STK32A: variants seen among roughly 807,000 people sequenced by gnomAD.
The protein encoded by STK32A is serine/threonine kinase 32A, also known as serine/threonine-protein kinase 32A.
Under a neutral mutation model 53.2 loss-of-function variants are expected in STK32A, and 41 were observed. The ratio of observed to expected loss-of-function variants is 0.77; its 90% confidence interval spans 0.60 to 1.00. The LOEUF is 1.00. Ranked by LOEUF, STK32A falls within the 50% of genes least tolerant of loss-of-function variation. STK32A has a pLI of 0.00. For missense variants in STK32A, 458 were observed against 485.8 expected (o/e 0.94, Z 0.54); for synonymous variants, 166 against 162.8 (o/e 1.02, Z -0.15).
intron 4 of STK32A, among the ~76,000 whole-genome samples, chr5:147,306,281 A>G (rs1206471787): frequency 2.0e-5 from 3 of 151,988 alleles, no homozygotes; most frequent in Admixed American, 6.6e-5. Context: ...TCTTTTAACC[A>G]TCTTTCTATC....
At chr5:147,394,594 C>CA in the STK32A span, among the ~76,000 whole-genome samples, 106 of 149,252 alleles carry the variant, frequency 7.1e-4, 1 homozygote, top group African/African-American at 2.5e-3. Flanking sequence ...GACAACAGCA[C>CA]AAAAAGAAAT....
chr5:147,339,162 C>T (rs185852483), intron 5 of STK32A, among the ~76,000 whole-genome samples: 32 of 152,308 alleles, frequency 2.1e-4, no homozygotes, highest in African/African-American at 7.5e-4. Context: ...GTTTCATGGG[C>T]TGGGCCCAGG....
intron 2 of STK32A, among the ~76,000 whole-genome samples, chr5:147,249,600 G>A (rs1753893534): frequency 6.6e-6 from 1 of 151,844 alleles, no homozygotes; most frequent in Non-Finnish European, 1.5e-5. Flanking sequence ...TTAAGTTGCT[G>A]GGATGAAAAA....
At chr5:147,264,161 C>A (rs1754705836) in intron 2 of STK32A, among the ~76,000 whole-genome samples, 1 of 152,282 alleles carries the variant, frequency 6.6e-6, no homozygotes, top group South Asian at 2.1e-4. Flanking sequence ...ATCTCCCATG[C>A]AATCCTTCTT....
intron 4 of STK32A, among the ~76,000 whole-genome samples, chr5:147,292,053 A>T (rs7725229): frequency 0.21 from 32,702 of 152,132 alleles, 3,962 homozygotes; most frequent in African/African-American, 0.3. Context: ...AAATTGGGTG[A>T]ATTTCTCCCT....
chr5:147,379,484 T>C (rs1757369735), intron 11 of STK32A, among the ~76,000 whole-genome samples: 2 of 152,106 alleles, frequency 1.3e-5, no homozygotes, highest in Admixed American at 1.3e-4. Context: ...AATTAGTGCA[T>C]GTAAAGTGCT....
At chr5:147,257,156 T>C (rs1444402080) in intron 2 of STK32A, among the ~76,000 whole-genome samples, 1 of 151,508 alleles carries the variant, frequency 6.6e-6, no homozygotes, top group Admixed American at 6.6e-5. Context: ...ATGGTTTTAG[T>C]AAATTACAAA....
intron 2 of STK32A, among the ~76,000 whole-genome samples, chr5:147,266,620 A>G (rs1301376325): frequency 6.6e-6 from 1 of 152,148 alleles, no homozygotes; most frequent in African/African-American, 2.4e-5. Context: ...GGTGATGTGG[A>G]TATAGCGAAG....
intron 4 of STK32A, among the ~76,000 whole-genome samples, chr5:147,280,634 A>G (rs937201654): frequency 6.0e-5 from 9 of 149,822 alleles, no homozygotes; most frequent in Non-Finnish European, 1.2e-4. Context: ...CAGCAGCAGC[A>G]AGGCCCACCC....
intron 1 of STK32A, among the ~76,000 whole-genome samples, chr5:147,238,456 C>T (rs1753418064): frequency 6.6e-6 from 1 of 152,170 alleles, no homozygotes; most frequent in African/African-American, 2.4e-5. Flanking sequence ...TTATCAGTGT[C>T]AGTTTTAGGA....
chr5:147,297,439 A>T (rs1054339892), intron 4 of STK32A, among the ~76,000 whole-genome samples: 2 of 152,188 alleles, frequency 1.3e-5, no homozygotes, highest in African/African-American at 4.8e-5. Context: ...TGGGAATCAA[A>T]CCTGGGCTGC....
chr5:147,370,414 A>G (rs961783683), intron 8 of STK32A, among the ~76,000 whole-genome samples: 5 of 152,140 alleles, frequency 3.3e-5, no homozygotes, highest in South Asian at 2.1e-4. Flanking sequence ...GGAGTGTTCA[A>G]CTTTAAAATT....
intron 2 of STK32A, among the ~76,000 whole-genome samples, chr5:147,253,163 CTTA>C (rs1394841012): frequency 6.6e-6 from 1 of 152,056 alleles, no homozygotes; most frequent in East Asian, 1.9e-4. Context: ...GTTGAGTTCT[CTTA>C]GATTGCAATT....
chr5:147,343,317 C>T (rs534541452), intron 6 of STK32A: 43 of 619,588 alleles, frequency 6.9e-5, no homozygotes, highest in Non-Finnish European at 1.0e-4. Context: ...AGAAAACCAT[C>T]ACAACTTTTC....
At chr5:147,300,907 A>C (rs1753097878) in intron 4 of STK32A, among the ~76,000 whole-genome samples, 1 of 152,232 alleles carries the variant, frequency 6.6e-6, no homozygotes, top group South Asian at 2.1e-4. Context: ...ATAAATGGTG[A>C]CTTTACACAA....
chr5:147,388,874 A>G (rs765263594), downstream of STK32A, among the ~76,000 whole-genome samples: 5 of 152,106 alleles, frequency 3.3e-5, no homozygotes, highest in Non-Finnish European at 5.9e-5. Flanking sequence ...TTAAGTGCTG[A>G]CTATTGCCTT....
At chr5:147,301,764 A>T (rs1048945654) in intron 4 of STK32A, among the ~76,000 whole-genome samples, 1 of 152,178 alleles carries the variant, frequency 6.6e-6, no homozygotes, top group African/African-American at 2.4e-5. Flanking sequence ...GGAAGTCAGA[A>T]GTCCAAAATC....
At chr5:147,331,586 A>T (rs910957565) in intron 5 of STK32A, among the ~76,000 whole-genome samples, 1 of 152,234 alleles carries the variant, frequency 6.6e-6, no homozygotes, top group African/African-American at 2.4e-5. Flanking sequence ...GTGCTCCCTC[A>T]GAAAGATTTG....
intron 2 of STK32A, among the ~76,000 whole-genome samples, chr5:147,272,480 T>C (rs1561684242): frequency 6.6e-6 from 1 of 152,218 alleles, no homozygotes; most frequent in Non-Finnish European, 1.5e-5. Context: ...AATAATGAGA[T>C]CTATATGTGA....
Sources: gnomAD v4.1 joint callset for allele counts (sites outside exome capture counted in the v4.1 genomes callset) on GRCh38, gnomAD v4.1.1 for gene constraint, MANE v1.5 for transcripts, NCBI Gene and HGNC (gene_info 2026-07-23, HGNC 2026-07-21) for gene names.